SDK1: variants seen among roughly 807,000 people sequenced by gnomAD.
The protein encoded by SDK1 is sidekick cell adhesion molecule 1, also known as protein sidekick-1.
SDK1 carries 157 observed loss-of-function variants against 245.5 expected under a neutral mutation model. The ratio of observed to expected loss-of-function variants is 0.64; its 90% CI spans 0.56 to 0.73. The LOEUF (loss-of-function observed/expected upper bound fraction) is 0.73, where lower values mean the gene tolerates loss of function less well. Among genes scored for constraint, SDK1 ranks in the 30% least tolerant of loss-of-function variants. The probability of loss-of-function intolerance (pLI) is 0.00; values close to 1 mark genes in which losing one functional copy is unlikely to be tolerated. For synonymous variants in SDK1, 1,647 were observed against 1,278.5 expected (o/e 1.29, Z -6.15); for missense variants, 3,583 against 3,002.3 (o/e 1.19, Z -4.52).
intron 1 of SDK1, among the ~76,000 whole-genome samples, chr7:3,443,159 A>C (rs1262838023): frequency 6.6e-6 from 1 of 152,022 alleles, no homozygotes; most frequent in Non-Finnish European, 1.5e-5. Flanking sequence ...TATGTTCTAT[A>C]TAGCAATGCA....
At chr7:3,934,223 A>C (rs981226579) in intron 5 of SDK1, among the ~76,000 whole-genome samples, 1 of 152,234 alleles carries the variant, frequency 6.6e-6, no homozygotes, top group Admixed American at 6.5e-5. Context: ...TGTGAATTTC[A>C]AGATACACTT....
At chr7:3,839,452 T>G (rs1235582669) in intron 5 of SDK1, among the ~76,000 whole-genome samples, 2 of 152,334 alleles carry the variant, frequency 1.3e-5, no homozygotes, top group East Asian at 1.9e-4. Context: ...GATAAATCAC[T>G]GAGTGACGAT....
intron 2 of SDK1, among the ~76,000 whole-genome samples, chr7:3,634,891 C>T (rs1409661301): frequency 6.6e-6 from 1 of 152,092 alleles, no homozygotes; most frequent in Non-Finnish European, 1.5e-5. Flanking sequence ...TATAGAAATT[C>T]ATAAGAATTT....
intron 1 of SDK1, among the ~76,000 whole-genome samples, chr7:3,457,017 C>A (rs548851255): frequency 6.6e-6 from 1 of 152,306 alleles, no homozygotes; most frequent in Admixed American, 6.5e-5. Flanking sequence ...GCACAAGGTG[C>A]TTCCGCAGTC....
intron 1 of SDK1, among the ~76,000 whole-genome samples, chr7:3,349,420 T>C (rs901916712): frequency 6.6e-6 from 1 of 152,068 alleles, no homozygotes; most frequent in African/African-American, 2.4e-5. Context: ...AGGGGGTTAC[T>C]GTTGGATGGA....
chr7:3,625,917 G>C (rs1782101423), intron 2 of SDK1, among the ~76,000 whole-genome samples: 1 of 149,858 alleles, frequency 6.7e-6, no homozygotes, highest in African/African-American at 2.5e-5. Flanking sequence ...AGAGCCAGAA[G>C]GATTTTTCTT....
chr7:4,130,778 A>G (rs994503942), intron 27 of SDK1, among the ~76,000 whole-genome samples: 3 of 152,186 alleles, frequency 2.0e-5, no homozygotes, highest in Admixed American at 1.3e-4. Context: ...CATTTTCATT[A>G]TTAAACAGAC....
rs542486101 is a variant in SDK1 at position 3,562,123 on chromosome 7, C to A, written c.299-56957C>A. ...AATGTGTTGCCTCAGAGCCAGTGTTCACCTGGGGAATAGAACTTGGATGTT... is the reference window on the plus strand; with the variant it reads ...AATGTGTTGCCTCAGAGCCAGTGTTAACCTGGGGAATAGAACTTGGATGTT... On this transcript the variant is annotated intron_variant, in intron 1 of 44. Coordinates refer to ENST00000404826, the MANE Select transcript of SDK1 (RefSeq NM_152744.4). Among the ~76,000 whole-genome samples the A allele has an allele frequency of 5.3e-5, 8 of 152,290 alleles. No homozygotes were observed. The South Asian group carries it at 1.7e-3, about 32-fold the overall frequency.
intron 35 of SDK1, among the ~76,000 whole-genome samples, chr7:4,190,395 C>G (rs1783125763): frequency 6.6e-6 from 1 of 152,216 alleles, no homozygotes; most frequent in South Asian, 2.1e-4. Context: ...CACAGATGGT[C>G]ACCATCCCCT....
At chr7:3,452,054 A>C (rs1304171568) in intron 1 of SDK1, among the ~76,000 whole-genome samples, 1 of 152,228 alleles carries the variant, frequency 6.6e-6, no homozygotes, top group Non-Finnish European at 1.5e-5. Flanking sequence ...ATAGAGAACT[A>C]AATTTGTATT....
chr7:4,101,873 TCAGAGAAAGGGC>T (rs1045227080), intron 22 of SDK1, among the ~76,000 whole-genome samples: 5 of 149,676 alleles, frequency 3.3e-5, no homozygotes, highest in African/African-American at 1.0e-4. Context: ...CTCAGGAGGG[TCAGAGAAAGGGC>T]CAGATGGGGA....
intron 9 of SDK1, among the ~76,000 whole-genome samples, chr7:3,963,088 C>G (rs987656235): frequency 7.3e-6 from 1 of 136,950 alleles, no homozygotes; most frequent in African/African-American, 3.0e-5. Context: ...CCATGGCTAC[C>G]TGGATGTAAC....
At chr7:3,403,852 TATATATATATATATATA>T (rs1778969248) in intron 1 of SDK1, among the ~76,000 whole-genome samples, 3 of 98,640 alleles carry the variant, frequency 3.0e-5, no homozygotes, top group African/African-American at 1.6e-4. Flanking sequence ...TATATATATA[TATATATATATATATATA>T]ATATATATAT....
At chr7:4,226,457 C>T (rs1219645007) in intron 40 of SDK1, among the ~76,000 whole-genome samples, 1 of 152,252 alleles carries the variant, frequency 6.6e-6, no homozygotes, top group African/African-American at 2.4e-5. Context: ...TGCTGCCCTC[C>T]CATCCCCATC....
At chr7:3,612,820 C>G (rs553577130) in intron 1 of SDK1, among the ~76,000 whole-genome samples, 3 of 152,146 alleles carry the variant, frequency 2.0e-5, no homozygotes, top group Non-Finnish European at 4.4e-5. Flanking sequence ...TGGACTCGCA[C>G]CTGATTGACG....
intron 1 of SDK1, among the ~76,000 whole-genome samples, chr7:3,499,270 A>G (rs1782120024): frequency 6.6e-6 from 1 of 152,224 alleles, no homozygotes; most frequent in Non-Finnish European, 1.5e-5. Context: ...TGCAACAGTA[A>G]CTTGCTTACA....
intron 30 of SDK1, 149 bp downstream of exon 30, chr7:4,149,612 G>T (rs895316185): frequency 9.4e-6 from 5 of 532,782 alleles, no homozygotes; most frequent in African/African-American, 8.0e-5. Context: ...TCCCCATGCT[G>T]GGAATCCCAG....
At chr7:3,920,095 ACAGCT>A (rs1779534231) in intron 5 of SDK1, among the ~76,000 whole-genome samples, 1 of 152,196 alleles carries the variant, frequency 6.6e-6, no homozygotes, top group Non-Finnish European at 1.5e-5. Flanking sequence ...GGGCACTGAG[ACAGCT>A]CAGGAATGGC....
At chr7:3,599,217 C>T (rs915028845) in intron 1 of SDK1, among the ~76,000 whole-genome samples, 7 of 149,168 alleles carry the variant, frequency 4.7e-5, no homozygotes, top group East Asian at 4.0e-4. Context: ...ATTCTCTAAT[C>T]GTTAATGATA....
Sources: allele counts gnomAD v4.1 joint callset (sites outside exome capture counted in the v4.1 genomes callset), GRCh38; gene constraint gnomAD v4.1.1; transcripts MANE v1.5; gene names NCBI Gene and HGNC (gene_info 2026-07-23, HGNC 2026-07-21).